The following FABP7 variants were observed in gnomAD, a reference collection of about 807,000 sequenced individuals.
FABP7 encodes fatty acid-binding protein, brain.
A neutral mutation model predicts 14.2 loss-of-function variants in FABP7; 13 were observed. The observed-to-expected ratio is 0.91, with a 90% CI of 0.59 to 1.45. The LOEUF (loss-of-function observed/expected upper bound fraction) is 1.45. Among genes scored for constraint, FABP7 ranks in the 40% most tolerant of loss-of-function variants. The pLI is 0.00. For synonymous variants in FABP7, 49 were observed against 51.4 expected, an observed-to-expected ratio of 0.95 and a Z score of 0.20; for missense variants, 149 against 157.6, an observed-to-expected ratio of 0.95 and a Z score of 0.29.
chr6:122,779,395 A>T (rs575391066), upstream of FABP7: 2 of 175,540 alleles, frequency 1.1e-5, no homozygotes, highest in African/African-American at 4.7e-5. Context: ...GCCTTTGCCA[A>T]GTTTTTTCTC....
the FABP7 span, among the ~76,000 whole-genome samples, chr6:122,766,681 G>C: frequency 6.6e-6 from 1 of 152,028 alleles, no homozygotes; most frequent in Non-Finnish European, 1.5e-5. Flanking sequence ...TTAACATCTA[G>C]AAGTGATATA....
At chr6:122,753,746 A>T in the FABP7 span, among the ~76,000 whole-genome samples, 1 of 150,322 alleles carries the variant, frequency 6.7e-6, no homozygotes, top group Non-Finnish European at 1.5e-5. Flanking sequence ...GCAGCAGCTT[A>T]AGGGCCTGGA....
At chr6:122,781,222 C>T (rs750391574) in intron 3 of FABP7, 28 bp downstream of exon 3, 2 of 1,611,872 alleles carry the variant, frequency 1.2e-6, no homozygotes, top group Non-Finnish European at 1.7e-6. Context: ...TCCATTCTTC[C>T]TTGTTTTTTT....
chr6:122,780,564 A>T (rs951343916), intron 2 of FABP7, 101 bp downstream of exon 2: 11 of 1,245,718 alleles, frequency 8.8e-6, no homozygotes, highest in Non-Finnish European at 1.2e-5. Context: ...AGTGTAGAAT[A>T]TTTTCAGTAT....
At chr6:122,762,399 TAA>T in the FABP7 span, among the ~76,000 whole-genome samples, 1 of 152,112 alleles carries the variant, frequency 6.6e-6, no homozygotes, top group Non-Finnish European at 1.5e-5. Context: ...CTCAAAATAA[TAA>T]GAGCTATTTA....
the FABP7 span, among the ~76,000 whole-genome samples, chr6:122,758,727 AAAAATATT>A: frequency 1.3e-5 from 2 of 152,212 alleles, no homozygotes; most frequent in Non-Finnish European, 2.9e-5. Context: ...GACAATATAT[AAAAATATT>A]ACTTATGTCA....
the FABP7 span, among the ~76,000 whole-genome samples, chr6:122,759,910 G>A: frequency 1.3e-5 from 2 of 152,062 alleles, no homozygotes; most frequent in South Asian, 4.2e-4. Flanking sequence ...CACAAGGTCA[G>A]GAGTTTGAGA....
At chr6:122,779,019 G>C (rs1235594390), upstream of FABP7, among the ~76,000 whole-genome samples, 2 of 151,932 alleles carry the variant, frequency 1.3e-5, no homozygotes, top group African/African-American at 2.4e-5. Context: ...ACTCAGTCTC[G>C]TTCTCACATT....
chr6:122,754,486 T>C, the FABP7 span, among the ~76,000 whole-genome samples: 2 of 152,162 alleles, frequency 1.3e-5, no homozygotes, highest in Non-Finnish European at 2.9e-5. Flanking sequence ...TCTGAAATGA[T>C]CCACCTTTTC....
chr6:122,761,073 T>C, the FABP7 span, among the ~76,000 whole-genome samples: 1 of 152,174 alleles, frequency 6.6e-6, no homozygotes, highest in East Asian at 1.9e-4. Context: ...CTCTTAAAAG[T>C]TTAAAAATAT....
intron 3 of FABP7, chr6:122,781,681 T>TAACAGAAA (rs1780789158): frequency 1.0e-6 from 1 of 991,904 alleles, no homozygotes; most frequent in Admixed American, 5.9e-5. Context: ...ATTTAGAATA[T>TAACAGAAA]AACAGAAAAG....
upstream of FABP7, among the ~76,000 whole-genome samples, chr6:122,775,254 T>C (rs1339980862): frequency 2.0e-5 from 3 of 152,062 alleles, no homozygotes; most frequent in Admixed American, 2.0e-4. Context: ...ATTACCTGAC[T>C]TCAAAAGATA....
chr6:122,775,493 C>CTG (rs935398854), upstream of FABP7, among the ~76,000 whole-genome samples: 2 of 152,102 alleles, frequency 1.3e-5, no homozygotes, highest in African/African-American at 4.8e-5. Context: ...CTATCTCTCA[C>CTG]TGTGTGTGAA....
chr6:122,781,725 T>C, intron 3 of FABP7: 1 of 724,766 alleles, frequency 1.4e-6, no homozygotes, highest in Non-Finnish European at 1.7e-6. Flanking sequence ...CTCTGATTTC[T>C]CATCAGTGAT....
At chr6:122,767,522 A>G in the FABP7 span, among the ~76,000 whole-genome samples, 1 of 152,088 alleles carries the variant, frequency 6.6e-6, no homozygotes, top group African/African-American at 2.4e-5. Context: ...GGAAAAAATT[A>G]TTATCTACAT....
chr6:122,766,409 G>A, the FABP7 span, among the ~76,000 whole-genome samples: 1 of 152,090 alleles, frequency 6.6e-6, no homozygotes, highest in Non-Finnish European at 1.5e-5. Context: ...CACCTAGAAT[G>A]TAGTGTTTCT....
chr6:122,781,676 G>A, intron 3 of FABP7: 6 of 989,008 alleles, frequency 6.1e-6, no homozygotes, highest in Non-Finnish European at 7.2e-6. Context: ...AGATAATTTA[G>A]AATATAACAG....
the FABP7 span, among the ~76,000 whole-genome samples, chr6:122,765,332 C>T: frequency 1.3e-5 from 2 of 152,086 alleles, no homozygotes; most frequent in East Asian, 3.9e-4. Flanking sequence ...TTTTCATTAA[C>T]CAAATCAGCT....
At chr6:122,781,009 C>A in intron 2 of FABP7, 84 bp from the exon 3 acceptor site, 2 of 1,464,356 alleles carry the variant, frequency 1.4e-6, no homozygotes, top group Non-Finnish European at 9.1e-7. Context: ...AATTATACAA[C>A]TCTTTCAAAA....
Sources: allele counts gnomAD v4.1 joint callset (sites outside exome capture counted in the v4.1 genomes callset), GRCh38; gene constraint gnomAD v4.1.1; transcripts MANE v1.5; gene names NCBI Gene and HGNC (gene_info 2026-07-23, HGNC 2026-07-21).